LINGO3: variants seen among roughly 807,000 people sequenced by gnomAD.
The protein encoded by LINGO3 is leucine-rich repeat and immunoglobulin-like domain-containing nogo receptor-interacting protein 3.
For synonymous variants in LINGO3, 427 were observed against 444.2 expected (o/e 0.96, Z 0.49); for missense variants, 750 against 867.7 (o/e 0.86, Z 1.70).
At chr19:2,289,894 G>T in exon 1 of LINGO3, 1 of 954,934 alleles carries the variant, frequency 1.0e-6, no homozygotes, top group Non-Finnish European at 1.5e-6. Context: ...TCTGCCTGGG[G>T]AGCGCCGTGC....
At chr19:2,298,367 A>G in the LINGO3 span, among the ~76,000 whole-genome samples, 1 of 150,952 alleles carries the variant, frequency 6.6e-6, no homozygotes, top group Admixed American at 6.6e-5. Flanking sequence ...AGTAGCTGGG[A>G]TTATAGGCAA....
chr19:2,292,966 G>A (rs954967964), upstream of LINGO3, among the ~76,000 whole-genome samples: 4 of 152,204 alleles, frequency 2.6e-5, no homozygotes, highest in Admixed American at 2.0e-4. Flanking sequence ...CCATGAAAAG[G>A]AGTGAGGCTC....
the LINGO3 span, among the ~76,000 whole-genome samples, chr19:2,302,448 G>A: frequency 6.6e-6 from 1 of 152,218 alleles, no homozygotes; most frequent in African/African-American, 2.4e-5. Context: ...ACGTCACGGA[G>A]GTCAGAACAG....
upstream of LINGO3, among the ~76,000 whole-genome samples, chr19:2,295,900 C>T (rs1039543921): frequency 6.6e-5 from 10 of 152,066 alleles, 2 homozygotes; most frequent in South Asian, 6.2e-4. Flanking sequence ...GTGGTCCCAC[C>T]GAGAGAAAAG....
At chr19:2,301,351 C>T in the LINGO3 span, among the ~76,000 whole-genome samples, 723 of 145,756 alleles carry the variant, frequency 5.0e-3, 2 homozygotes, top group African/African-American at 0.017. Flanking sequence ...TGGGCACTGC[C>T]GGGTGCTGAG....
chr19:2,289,844 AAC>A (rs1019753844), exon 1 of LINGO3: 43 of 619,576 alleles, frequency 6.9e-5, no homozygotes, highest in African/African-American at 5.7e-4. Flanking sequence ...GCTGATGAAA[AAC>A]AGTCCTGCGG....
At chr19:2,298,538 T>A in the LINGO3 span, among the ~76,000 whole-genome samples, 2 of 5,924 alleles carry the variant, frequency 3.4e-4, no homozygotes, top group Non-Finnish European at 9.6e-4. Flanking sequence ...GGCCAATAAT[T>A]TTTTTTTTTT....
the LINGO3 span, among the ~76,000 whole-genome samples, chr19:2,300,172 A>C: frequency 6.6e-6 from 1 of 151,374 alleles, no homozygotes; most frequent in East Asian, 1.9e-4. Flanking sequence ...GCTGGGATTA[A>C]AGGTGCATGC....
At chr19:2,294,808 C>A (rs374330370), upstream of LINGO3, among the ~76,000 whole-genome samples, 4 of 144,202 alleles carry the variant, frequency 2.8e-5, no homozygotes, top group Non-Finnish European at 4.5e-5. This position sits in a 1 kb window ranked among gnomAD's most constrained non-coding sequence, Gnocchi z 4.3. Flanking sequence ...GCTGGGGTGG[C>A]GGGTGGAGGT....
chr19:2,301,212 T>A, the LINGO3 span, among the ~76,000 whole-genome samples: 18 of 151,570 alleles, frequency 1.2e-4, no homozygotes, highest in Middle Eastern at 6.9e-3. Flanking sequence ...GTCTGCCGGG[T>A]CAGGAGTTGA....
At chr19:2,289,077 C>A (rs1008876832), downstream of LINGO3, among the ~76,000 whole-genome samples, 1 of 147,764 alleles carries the variant, frequency 6.8e-6, no homozygotes, top group Non-Finnish European at 1.5e-5. Context: ...GAGCTGTATC[C>A]CGGGTGTGAG....
the LINGO3 span, among the ~76,000 whole-genome samples, chr19:2,303,358 G>C: frequency 5.6e-4 from 4 of 7,186 alleles, no homozygotes; most frequent in Non-Finnish European, 1.6e-3. Context: ...GGGAGCTGTG[G>C]GGGGGGGGGT....
rs2025506757 is a variant in LINGO3 at position 2,290,410 on chromosome 19, C to T, written c.1367G>A (p.Arg456Gln). The change falls in exon 1 of 1, where the codon CGG (arginine) becomes CAG (glutamine). Residue 456 changes from arginine (R) to glutamine (Q), a missense_variant. Transcript: ENST00000585527. The surrounding 1 kb of genome is among the most constrained non-coding windows in gnomAD (Gnocchi z 6.0). The stretch of plus-strand genomic sequence containing the variant: ...CGTCCCCCCGGGGAGCACGCGCGCC[C>T]GGCCCGCGCTGGTGGCCGTCACCGG... 3 of 1,426,024 alleles carry T rather than the reference C, an allele frequency of 2.1e-6. No homozygotes were observed. Among genetic ancestry groups the T allele is most frequent in the African/African-American group, 3.0e-5 (2 of 66,714 alleles). 88.3% of individuals were successfully genotyped at this position (1,426,024 alleles called of 1,614,324 possible).
At chr19:2,292,265 G>T (rs2025532014), upstream of LINGO3, among the ~76,000 whole-genome samples, 1 of 151,286 alleles carries the variant, frequency 6.6e-6, no homozygotes, top group Admixed American at 6.6e-5. Context: ...AGGCATGGTG[G>T]CCTGCACCTG....
chr19:2,303,277 A>G, the LINGO3 span, among the ~76,000 whole-genome samples: 91,465 of 151,950 alleles, frequency 0.6, 30,629 homozygotes, highest in Non-Finnish European at 0.77. Flanking sequence ...GGGGGCACAA[A>G]CAGGTGAGAA....
chr19:2,288,855 G>C (rs190521001), downstream of LINGO3, among the ~76,000 whole-genome samples: 1 of 152,150 alleles, frequency 6.6e-6, no homozygotes, highest in Non-Finnish European at 1.5e-5. The surrounding 1 kb of genome is among the most constrained non-coding windows in gnomAD (Gnocchi z 6.5). Flanking sequence ...CCTGTCCCAG[G>C]TGTGAACTGA....
chr19:2,297,801 C>T, the LINGO3 span, among the ~76,000 whole-genome samples: 7 of 151,946 alleles, frequency 4.6e-5, no homozygotes, highest in Admixed American at 1.3e-4. Context: ...GATGGGGTTT[C>T]ACCATGTTAG....
At chr19:2,308,138 G>GAGCAGCAGCAGCAGC in the LINGO3 span, among the ~76,000 whole-genome samples, 1 of 114,922 alleles carries the variant, frequency 8.7e-6, no homozygotes, top group African/African-American at 3.2e-5. Flanking sequence ...GAGCCGACAC[G>GAGCAGCAGCAGCAGC]AGCAGCCGCC....
At chr19:2,292,789 C>T (rs903614275), upstream of LINGO3, among the ~76,000 whole-genome samples, 17 of 152,028 alleles carry the variant, frequency 1.1e-4, no homozygotes, top group Admixed American at 2.6e-4. Context: ...CGCGCCCACC[C>T]GCTCCTGGGT....
Sources: gnomAD v4.1 joint callset for allele counts (sites outside exome capture counted in the v4.1 genomes callset) on GRCh38, gnomAD v4.1.1 for gene constraint, Gnocchi (gnomAD v3.1) non-coding constraint, MANE v1.5 for transcripts, NCBI Gene and HGNC (gene_info 2026-07-23, HGNC 2026-07-21) for gene names.